CFAP74: variants seen among roughly 807,000 people sequenced by gnomAD.
The protein encoded by CFAP74 is cilia- and flagella-associated protein 74.
Under a neutral mutation model 188.9 loss-of-function variants are expected in CFAP74, and 124 were observed. That is an observed-to-expected ratio of 0.66 (90% confidence interval 0.57 to 0.76). The LOEUF (loss-of-function observed/expected upper bound fraction) is 0.76, where lower values mean the gene tolerates loss of function less well. CFAP74 is among the 30% of genes least tolerant of loss of function. The pLI is 0.00. For missense variants in CFAP74, 2,198 were observed against 2,165.2 expected (o/e 1.02, Z -0.30); for synonymous variants, 956 against 916.7 (o/e 1.04, Z -0.77).
Position 1,927,762 on chromosome 1 carries a change from C to G in CFAP74, c.3388-16G>C. 6.5e-7 allele frequency: 1 copy of G among 1,548,218 alleles called. No homozygotes were observed. ...TCTTTCGGAACTGTGGGGGGAGCGA[C>G]TGGCTGTGGGGCTGTGCAGGGCCCT... On this transcript the variant is annotated splice_polypyrimidine_tract_variant and intron_variant, in intron 27 of 38. Transcript: ENST00000682832.
Position 1,965,063 on chromosome 1 carries a change from TG to T in CFAP74, c.1402-3del. The stretch of plus-strand genomic sequence containing the variant: ...TCGGTCCACGTCCTCCTTGGGCACC[TG>T]GGGGTCACAGAGACAGAGGCTGGGG... On this transcript the variant is annotated splice_region_variant and splice_polypyrimidine_tract_variant and intron_variant, in intron 12 of 38. Coordinates refer to ENST00000682832, the MANE Select transcript of CFAP74 (RefSeq NM_001304360.2). The T allele has an allele frequency of 6.2e-7, 1 of 1,611,186 alleles. No individual in the cohort carries two copies.
At chr1:1,947,762 C>T (rs1049114689) in intron 18 of CFAP74, among the ~76,000 whole-genome samples, 1 of 152,242 alleles carries the variant, frequency 6.6e-6, no homozygotes, top group African/African-American at 2.4e-5. Context: ...CCAGAGCCTG[C>T]CCCGGGCTCA....
At chr1:1,993,302 TG>T (rs1469653395) in intron 1 of CFAP74, among the ~76,000 whole-genome samples, 1 of 152,094 alleles carries the variant, frequency 6.6e-6, no homozygotes, top group Non-Finnish European at 1.5e-5. Context: ...TTTATTTTTT[TG>T]AGACAGGGTT....
chr1:1,976,060 G>A (rs530110154), intron 6 of CFAP74, among the ~76,000 whole-genome samples: 12 of 152,356 alleles, frequency 7.9e-5, no homozygotes, highest in African/African-American at 2.9e-4. Flanking sequence ...CAAAGGCAGT[G>A]CCTGTCTGTG....
At chr1:1,938,818 C>G (rs1570859146) in intron 25 of CFAP74, 37 bp downstream of exon 25, 1 of 1,532,728 alleles carries the variant, frequency 6.5e-7, no homozygotes, top group East Asian at 2.4e-5. Flanking sequence ...AGCGGGCACT[C>G]CAGGCCCCCT....
chr1:1,962,242 G>T (rs556204809), intron 14 of CFAP74, among the ~76,000 whole-genome samples: 1 of 152,288 alleles, frequency 6.6e-6, no homozygotes, highest in South Asian at 2.1e-4. Context: ...GGAGGCCGAG[G>T]TGGGCCTCGG....
intron 1 of CFAP74, among the ~76,000 whole-genome samples, chr1:1,998,632 T>G (rs1658041411): frequency 6.6e-6 from 1 of 152,164 alleles, no homozygotes; most frequent in Non-Finnish European, 1.5e-5. Context: ...CCCAGCACTT[T>G]GGGAGGCCGA....
intron 14 of CFAP74, among the ~76,000 whole-genome samples, chr1:1,962,662 A>T (rs1321915975): frequency 1.3e-5 from 2 of 152,124 alleles, no homozygotes; most frequent in Non-Finnish European, 2.9e-5. Context: ...AGGCAGGTGG[A>T]TCACTTGAGC....
intron 16 of CFAP74, 65 bp downstream of exon 16, chr1:1,959,054 GT>G: frequency 7.4e-6 from 8 of 1,079,980 alleles, no homozygotes; most frequent in South Asian, 1.3e-5. Flanking sequence ...AGGAGATGCC[GT>G]CCCCCACTGG....
intron 22 of CFAP74, among the ~76,000 whole-genome samples, chr1:1,941,582 A>T (rs944679365): frequency 6.6e-6 from 1 of 152,098 alleles, no homozygotes; most frequent in African/African-American, 2.4e-5. Context: ...ACAGAACCCC[A>T]GGGAGTTACT....
chr1:1,926,554 C>G, intron 30 of CFAP74, 42 bp from the exon 31 acceptor site: 2 of 1,549,602 alleles, frequency 1.3e-6, no homozygotes, highest in Non-Finnish European at 1.7e-6. Flanking sequence ...CCCCAGGCCC[C>G]AGGGAGCGTC....
rs371479425 is a variant in CFAP74, at chr1:1,974,228, C to T, written c.501-30G>A. 36 of 1,562,846 alleles carry T rather than the reference C, an allele frequency of 2.3e-5. No individual in the cohort carries two copies. The African/African-American group carries it at 2.4e-4, about 11-fold the overall frequency. ...AAACAAGAGGCAAAGCAGCTGGAGA[C>T]GGGCCCCACAGTCATCCTGGGGTGG... On this transcript the variant is annotated intron_variant, in intron 6 of 38. Coordinates refer to ENST00000682832, the MANE Select transcript of CFAP74 (RefSeq NM_001304360.2).
chr1:1,970,520 C>A, intron 10 of CFAP74, 139 bp downstream of exon 10: 1 of 940,784 alleles, frequency 1.1e-6, no homozygotes, highest in Non-Finnish European at 1.5e-6. Context: ...GCCCCTGTTC[C>A]CGTGCCCCAC....
chr1:1,982,945 G>C (rs915785726), intron 6 of CFAP74, among the ~76,000 whole-genome samples: 2 of 152,226 alleles, frequency 1.3e-5, no homozygotes, highest in African/African-American at 2.4e-5. Context: ...TCCAGGCAAG[G>C]GCAGGGAAGA....
intron 1 of CFAP74, among the ~76,000 whole-genome samples, chr1:1,999,574 T>C (rs1658094253): frequency 6.6e-6 from 1 of 152,176 alleles, no homozygotes; most frequent in Admixed American, 6.5e-5. Context: ...CCCAGCACTT[T>C]GGGAGGCCGA....
chr1:1,970,931 A>C, intron 9 of CFAP74, 115 bp from the exon 10 acceptor site: 2 of 1,270,408 alleles, frequency 1.6e-6, no homozygotes, highest in Non-Finnish European at 1.1e-6. Context: ...ACACACGTGC[A>C]CACACACATG....
intron 11 of CFAP74, among the ~76,000 whole-genome samples, chr1:1,967,399 C>T (rs1214349886): frequency 7.7e-6 from 1 of 129,806 alleles, no homozygotes; most frequent in East Asian, 2.3e-4. Context: ...TATAGTGCCA[C>T]AGGTGGTGCC....
rs779387305 is a variant in CFAP74 at position 1,974,062 on chromosome 1, G to A, written c.637C>T (p.Leu213=). Residue 213 remains leucine (L), a synonymous_variant, in exon 7 of 39, where the codon CTG becomes TTG. Transcript: ENST00000682832. ...AEQLCREQEA[L]GKVERNRLLR... ...AGTCGGTTCCGCTCCACCTTCCCCA[G>A]GGCCTCCTGCTCTCTGCAGAGCTGC... The A allele has an allele frequency of 3.9e-5, 63 of 1,601,564 alleles. No homozygotes were observed. Among genetic ancestry groups the A allele is most frequent in the Admixed American group, 2.7e-4 (16 of 59,020 alleles).
chr1:1,982,459 C>T (rs1343881522), intron 6 of CFAP74, among the ~76,000 whole-genome samples: 1 of 152,256 alleles, frequency 6.6e-6, no homozygotes, highest in Non-Finnish European at 1.5e-5. Context: ...GAGCCCCATG[C>T]CTCAGGCTGT....
Sources: gnomAD v4.1 joint callset for allele counts (sites outside exome capture counted in the v4.1 genomes callset) on GRCh38, gnomAD v4.1.1 for gene constraint, MANE v1.5 for transcripts, NCBI Gene and HGNC (gene_info 2026-07-23, HGNC 2026-07-21) for gene names.